NRCAM: variants seen among roughly 807,000 people sequenced by gnomAD.
NRCAM encodes the protein NgCAM-related cell adhesion molecule.
A neutral mutation model predicts 156.5 loss-of-function variants in NRCAM; 83 were observed. The ratio of observed to expected loss-of-function variants is 0.53; its 90% CI spans 0.44 to 0.64. The LOEUF (loss-of-function observed/expected upper bound fraction) is 0.64, where lower values mean the gene tolerates loss of function less well. Among genes scored for constraint, NRCAM ranks in the 30% least tolerant of loss-of-function variants. NRCAM has a pLI of 0.00. For missense variants in NRCAM, 1,417 were observed against 1,597.3 expected, an observed-to-expected ratio of 0.89 and a Z score of 1.92; for synonymous variants, 538 against 563.9, an observed-to-expected ratio of 0.95 and a Z score of 0.65.
intron 3 of NRCAM, among the ~76,000 whole-genome samples, chr7:108,245,616 C>A (rs1478249513): frequency 6.6e-6 from 1 of 152,174 alleles, no homozygotes; most frequent in African/African-American, 2.4e-5. Context: ...CCAGCAACCC[C>A]CTTTCTCCCT....
At chr7:108,246,120 C>T (rs922317676) in intron 3 of NRCAM, among the ~76,000 whole-genome samples, 5 of 152,114 alleles carry the variant, frequency 3.3e-5, no homozygotes, top group African/African-American at 9.7e-5. Flanking sequence ...AAAAGAGGAA[C>T]GAACTAGTTC....
chr7:108,410,148 C>T (rs144978655), intron 1 of NRCAM, among the ~76,000 whole-genome samples: 139 of 152,210 alleles, frequency 9.1e-4, no homozygotes, highest in East Asian at 2.7e-3. Context: ...TGCAACTGTG[C>T]GGACCTCGAA....
At chr7:108,447,485 C>A (rs1412438276) in intron 1 of NRCAM, among the ~76,000 whole-genome samples, 1 of 151,598 alleles carries the variant, frequency 6.6e-6, no homozygotes, top group Admixed American at 6.6e-5. Flanking sequence ...CTGGCCAGGG[C>A]GCTCTTGAAC....
intron 1 of NRCAM, among the ~76,000 whole-genome samples, chr7:108,454,449 C>A (rs1017026223): frequency 7.9e-5 from 12 of 152,164 alleles, no homozygotes; most frequent in Admixed American, 7.2e-4. Flanking sequence ...CCTTCATTTC[C>A]TAATTTTTAA....
chr7:108,379,366 GAAGT>G (rs1391403405), intron 2 of NRCAM, among the ~76,000 whole-genome samples: 2 of 152,166 alleles, frequency 1.3e-5, no homozygotes, highest in African/African-American at 2.4e-5. Flanking sequence ...TTTGCTAAAT[GAAGT>G]AAGCCACTCA....
chr7:108,176,442 T>C lies in NRCAM; in HGVS notation c.3139A>G (p.Thr1047Ala), dbSNP rs1414190225. ...ATACCCATCTTACCTTCATCCACAG[T>C]TGTTACTGCTTCCTCTGTAATTTGA... ...GSQITEEAVT[T>A]VDEAGILPPD... The change falls in exon 27 of 33, where the codon ACT becomes GCT. Residue 1047 changes from threonine to alanine, a missense_variant. By Grantham distance (58) the Thr-to-Ala change is moderately conservative (BLOSUM62 0). Transcript: ENST00000379028. The C allele has an allele frequency of 1.2e-6, 2 of 1,613,124 alleles. No homozygotes were observed. The highest frequency in any genetic ancestry group is 1.7e-6 in the Non-Finnish European group (2 of 1,179,586).
At chr7:108,278,954 T>C (rs2097755465) in intron 3 of NRCAM, among the ~76,000 whole-genome samples, 1 of 152,212 alleles carries the variant, frequency 6.6e-6, no homozygotes, top group Admixed American at 6.5e-5. Context: ...GAACTTGGAC[T>C]CCCATTTTAC....
At chr7:108,268,742 A>C (rs1266795226) in intron 3 of NRCAM, among the ~76,000 whole-genome samples, 3 of 152,020 alleles carry the variant, frequency 2.0e-5, no homozygotes. Context: ...GTTAGTGTAA[A>C]TTCAGTAAAA....
intron 1 of NRCAM, among the ~76,000 whole-genome samples, chr7:108,431,788 CAAAT>C (rs768972329): frequency 1.6e-4 from 24 of 152,228 alleles, no homozygotes; most frequent in Middle Eastern, 3.4e-3. Context: ...CTGTCTCAAA[CAAAT>C]AAAAATACAC....
chr7:108,200,737 TAC>T (rs61489479), intron 13 of NRCAM, among the ~76,000 whole-genome samples: 41,743 of 134,294 alleles, frequency 0.31, 6,781 homozygotes, highest in Middle Eastern at 0.43. Context: ...GATAAAGAAA[TAC>T]ACACACACAC....
chr7:108,185,600 T>C (rs1453093628), intron 20 of NRCAM, among the ~76,000 whole-genome samples: 1 of 151,888 alleles, frequency 6.6e-6, no homozygotes, highest in Non-Finnish European at 1.5e-5. Flanking sequence ...GCACCTATAG[T>C]TCCAGCTATG....
chr7:108,266,635 C>T (rs1434351635), intron 3 of NRCAM, among the ~76,000 whole-genome samples: 2 of 152,172 alleles, frequency 1.3e-5, no homozygotes, highest in Admixed American at 1.3e-4. Flanking sequence ...CATAAAGAGA[C>T]AATCTCTTAC....
chr7:108,396,302 C>T (rs548817249), intron 2 of NRCAM, among the ~76,000 whole-genome samples: 6 of 152,270 alleles, frequency 3.9e-5, no homozygotes, highest in East Asian at 1.9e-4. Flanking sequence ...GTTTTGTACA[C>T]GCACTCTGAT....
At chr7:108,314,176 G>C (rs1337319384) in intron 2 of NRCAM, among the ~76,000 whole-genome samples, 6 of 152,130 alleles carry the variant, frequency 3.9e-5, no homozygotes, top group Admixed American at 1.3e-4. Context: ...CCACCTTGTG[G>C]TGATGTAAAC....
intron 13 of NRCAM, among the ~76,000 whole-genome samples, chr7:108,198,846 T>A (rs1040086110): frequency 1.3e-5 from 2 of 152,192 alleles, no homozygotes; most frequent in African/African-American, 4.8e-5. Context: ...ATCTCTCAAG[T>A]ATTAAAACGT....
At chr7:108,204,536 G>A (rs2079994842) in intron 13 of NRCAM, among the ~76,000 whole-genome samples, 1 of 152,194 alleles carries the variant, frequency 6.6e-6, no homozygotes, top group African/African-American at 2.4e-5. Context: ...CCCCTTCCAG[G>A]GAAGCTTCAC....
chr7:108,170,541 C>A (rs1270143752), intron 28 of NRCAM, among the ~76,000 whole-genome samples: 3 of 152,188 alleles, frequency 2.0e-5, no homozygotes, highest in Admixed American at 2.0e-4. Context: ...CTACCTATGA[C>A]CTAGAAACTC....
At chr7:108,162,568 C>T (rs1017590046) in intron 30 of NRCAM, among the ~76,000 whole-genome samples, 3 of 152,194 alleles carry the variant, frequency 2.0e-5, no homozygotes, top group Non-Finnish European at 4.4e-5. Flanking sequence ...AGATATTGTT[C>T]TACAAGGATG....
chr7:108,387,635 T>C (rs375271352), intron 2 of NRCAM, among the ~76,000 whole-genome samples: 1 of 152,166 alleles, frequency 6.6e-6, no homozygotes, highest in East Asian at 1.9e-4. Context: ...TACATATGTA[T>C]ACATGTGCCA....
Sources: gnomAD v4.1 joint callset for allele counts (sites outside exome capture counted in the v4.1 genomes callset) on GRCh38, gnomAD v4.1.1 for gene constraint, MANE v1.5 for transcripts, NCBI Gene and HGNC (gene_info 2026-07-23, HGNC 2026-07-21) for gene names.